Variants in ANKRD44 observed in about 807,000 individuals in gnomAD.
ANKRD44 encodes ankyrin repeat domain 44.
ANKRD44 carries 35 observed loss-of-function variants against 116.0 expected under a neutral mutation model. The ratio of observed to expected loss-of-function variants is 0.30; its 90% CI spans 0.23 to 0.40. ANKRD44 has a LOEUF of 0.40. ANKRD44 is among the 10% of genes least tolerant of loss of function. The pLI is 1.00. For synonymous variants in ANKRD44, 435 were observed against 461.8 expected, an observed-to-expected ratio of 0.94 and a Z score of 0.74; for missense variants, 1,014 against 1,242.6, an observed-to-expected ratio of 0.82 and a Z score of 2.77.
intron 8 of ANKRD44, among the ~76,000 whole-genome samples, chr2:197,116,133 T>A (rs557336472): frequency 6.6e-6 from 1 of 152,092 alleles, no homozygotes; most frequent in Admixed American, 6.5e-5. Flanking sequence ...GAAGCTGAAG[T>A]CCCTTATCCA....
intron 16 of ANKRD44, among the ~76,000 whole-genome samples, chr2:197,036,404 G>T (rs1440938836): frequency 6.6e-6 from 1 of 151,966 alleles, no homozygotes. Flanking sequence ...GATTACAAGC[G>T]CCCACCATCA....
chr2:197,167,114 C>G (rs1243272471), intron 2 of ANKRD44, among the ~76,000 whole-genome samples: 1 of 151,978 alleles, frequency 6.6e-6, no homozygotes, highest in Non-Finnish European at 1.5e-5. Context: ...TGAGAAAAAT[C>G]AAGCCTCCTC....
At chr2:197,240,108 C>T (rs778012367) in intron 1 of ANKRD44, among the ~76,000 whole-genome samples, 5 of 152,012 alleles carry the variant, frequency 3.3e-5, no homozygotes, top group Non-Finnish European at 7.4e-5. Flanking sequence ...GGCATGATGG[C>T]TCACGCCTGT....
At chr2:197,133,238 A>G (rs2079133732) in intron 4 of ANKRD44, among the ~76,000 whole-genome samples, 1 of 152,204 alleles carries the variant, frequency 6.6e-6, no homozygotes, top group South Asian at 2.1e-4. Context: ...TCCTTCTGCA[A>G]GTCACCCATG....
intron 10 of ANKRD44, chr2:197,099,515 A>C: frequency 8.3e-6 from 9 of 1,079,944 alleles, no homozygotes; most frequent in Non-Finnish European, 1.0e-5. Context: ...CCTGTTTAAT[A>C]TGAAGCATTG....
intron 1 of ANKRD44, among the ~76,000 whole-genome samples, chr2:197,276,014 G>A (rs374003964): frequency 2.0e-5 from 3 of 152,106 alleles, no homozygotes; most frequent in South Asian, 2.1e-4. Flanking sequence ...AGTGGCTCAC[G>A]CCTGTAATCC....
chr2:197,017,867 C>A (rs1457982177), intron 17 of ANKRD44, among the ~76,000 whole-genome samples: 4 of 152,232 alleles, frequency 2.6e-5, no homozygotes, highest in Admixed American at 6.5e-5. Flanking sequence ...ATAATAGAGC[C>A]AGTGGGTGTT....
intron 16 of ANKRD44, among the ~76,000 whole-genome samples, chr2:197,070,985 A>T (rs576283898): frequency 6.6e-6 from 1 of 152,140 alleles, no homozygotes; most frequent in Admixed American, 6.5e-5. Context: ...GAATGAGTCT[A>T]TTTTATCAAG....
At chr2:197,120,693 T>C (rs2078831482) in intron 8 of ANKRD44, among the ~76,000 whole-genome samples, 1 of 151,490 alleles carries the variant, frequency 6.6e-6, no homozygotes, top group African/African-American at 2.4e-5. Context: ...TCTGAGAAGC[T>C]CTAAACCCAC....
At chr2:197,167,936 A>G (rs1311494854) in intron 2 of ANKRD44, among the ~76,000 whole-genome samples, 1 of 152,210 alleles carries the variant, frequency 6.6e-6, no homozygotes, top group Non-Finnish European at 1.5e-5. Flanking sequence ...ATTGGGCAGA[A>G]CATGAATTTA....
At chr2:197,024,646 C>T (rs1005021320) in intron 17 of ANKRD44, among the ~76,000 whole-genome samples, 2 of 152,180 alleles carry the variant, frequency 1.3e-5, no homozygotes, top group Non-Finnish European at 2.9e-5. Flanking sequence ...CTTCCCTCAC[C>T]TCCCAGATCT....
chr2:197,199,771 A>G (rs1000156837), intron 1 of ANKRD44, among the ~76,000 whole-genome samples: 1 of 152,208 alleles, frequency 6.6e-6, no homozygotes, highest in African/African-American at 2.4e-5. Flanking sequence ...CAATTTGCAA[A>G]AATAATGATG....
chr2:197,095,903 A>C (rs1457962313), intron 10 of ANKRD44, among the ~76,000 whole-genome samples: 1 of 152,190 alleles, frequency 6.6e-6, no homozygotes, highest in African/African-American at 2.4e-5. Context: ...TGTATTTTGT[A>C]ATTTTTTAAA....
intron 1 of ANKRD44, among the ~76,000 whole-genome samples, chr2:197,258,019 A>G (rs1466504846): frequency 6.6e-6 from 1 of 152,228 alleles, no homozygotes; most frequent in East Asian, 1.9e-4. Context: ...TATTTCACTT[A>G]GCATAATATC....
At chr2:197,143,116 C>T (rs1194487520) in intron 3 of ANKRD44, among the ~76,000 whole-genome samples, 2 of 149,606 alleles carry the variant, frequency 1.3e-5, no homozygotes, top group African/African-American at 2.4e-5. Context: ...ACCCTATAAT[C>T]CTTACTTGTC....
At chr2:197,033,972 T>A (rs1026216794) in intron 16 of ANKRD44, among the ~76,000 whole-genome samples, 2 of 151,344 alleles carry the variant, frequency 1.3e-5, no homozygotes, top group South Asian at 4.2e-4. Context: ...AAACATTGAA[T>A]CCAAGGGATG....
rs116049206 is a variant in ANKRD44 at position 197,130,680 on chromosome 2, C to T, written c.262-4643G>A. ...TGACCTATATTCTACACATGAACAA[C>T]TTTTTATAATCACGAAGATAATTTA... On this transcript the variant is annotated intron_variant, in intron 4 of 27. Coordinates refer to ENST00000282272, the MANE Select transcript of ANKRD44 (RefSeq NM_001195144.2). 2.7e-3 allele frequency among the ~76,000 whole-genome samples: 418 copies of T among 152,280 alleles called. 2 individuals are homozygous for T. The highest frequency in any genetic ancestry group is 4.5e-3 in the Non-Finnish European group (308 of 68,024).
At chr2:197,171,996 C>CTTTTTTTTTTTTTTTTTTTTTT in intron 2 of ANKRD44, among the ~76,000 whole-genome samples, 1 of 29,318 alleles carries the variant, frequency 3.4e-5, no homozygotes, top group Non-Finnish European at 1.4e-4. Flanking sequence ...CGTTATTTTT[C>CTTTTTTTTTTTTTTTTTTTTTT]TTCTTTTTTT....
At chr2:197,113,850 T>C (rs1304877563) in intron 8 of ANKRD44, among the ~76,000 whole-genome samples, 3 of 152,220 alleles carry the variant, frequency 2.0e-5, no homozygotes, top group Non-Finnish European at 2.9e-5. Flanking sequence ...GGTTCATCTA[T>C]AGCCTGAGTC....
Sources: gnomAD v4.1 joint callset for allele counts (sites outside exome capture counted in the v4.1 genomes callset) on GRCh38, gnomAD v4.1.1 for gene constraint, MANE v1.5 for transcripts, NCBI Gene and HGNC (gene_info 2026-07-23, HGNC 2026-07-21) for gene names.